The following CCSER1 variants were observed in gnomAD, a reference collection of about 807,000 sequenced individuals.
CCSER1 encodes serine-rich coiled-coil domain-containing protein 1.
Under a neutral mutation model 82.0 loss-of-function variants are expected in CCSER1, and 41 were observed. That is an observed-to-expected ratio of 0.50 (90% CI 0.39 to 0.65). CCSER1 has a LOEUF of 0.65. CCSER1 is among the 30% of genes least tolerant of loss of function. CCSER1 has a pLI of 0.00. For missense variants in CCSER1, 1,119 were observed against 1,064.2 expected (o/e 1.05, Z -0.72); for synonymous variants, 414 against 383.9 (o/e 1.08, Z -0.92).
intron 4 of CCSER1, among the ~76,000 whole-genome samples, chr4:90,467,182 C>T (rs531535683): frequency 3.3e-5 from 5 of 151,930 alleles, no homozygotes; most frequent in Non-Finnish European, 7.4e-5. Context: ...GTCAAGAGAT[C>T]AAGACCATCC....
At chr4:90,397,875 G>A (rs867403591) in intron 3 of CCSER1, among the ~76,000 whole-genome samples, 13 of 152,184 alleles carry the variant, frequency 8.5e-5, no homozygotes, top group African/African-American at 3.1e-4. Context: ...ATAAAAAATG[G>A]TAGTTATGTG....
At chr4:90,547,342 C>T (rs1776893775) in intron 5 of CCSER1, among the ~76,000 whole-genome samples, 1 of 151,698 alleles carries the variant, frequency 6.6e-6, no homozygotes, top group South Asian at 2.1e-4. Flanking sequence ...ATTAGAAATG[C>T]CTGATGCCAC....
chr4:91,189,331 G>T (rs1443413795), intron 10 of CCSER1, among the ~76,000 whole-genome samples: 58 of 152,174 alleles, frequency 3.8e-4, no homozygotes, highest in African/African-American at 1.4e-3. Flanking sequence ...TAAAAAATCA[G>T]GTTTAGAGTA....
At chr4:90,963,184 G>T (rs570020359) in intron 9 of CCSER1, among the ~76,000 whole-genome samples, 2 of 152,030 alleles carry the variant, frequency 1.3e-5, no homozygotes, top group African/African-American at 4.8e-5. Flanking sequence ...ATTTAAAGGC[G>T]TTTGAGGAAA....
At chr4:91,598,529 GTGT>G in intron 10 of CCSER1, 40 bp from the exon 11 acceptor site, 2 of 1,502,748 alleles carry the variant, frequency 1.3e-6, no homozygotes, top group Non-Finnish European at 1.8e-6. Context: ...TGCTATGAAA[GTGT>G]TTTTTTAAGA....
chr4:90,383,296 A>T (rs1749502580), intron 3 of CCSER1, among the ~76,000 whole-genome samples: 1 of 152,196 alleles, frequency 6.6e-6, no homozygotes, highest in African/African-American at 2.4e-5. Context: ...ATTTGAATAC[A>T]AAAGGAATTA....
At chr4:91,108,988 A>G (rs1159388477) in intron 10 of CCSER1, among the ~76,000 whole-genome samples, 1 of 152,204 alleles carries the variant, frequency 6.6e-6, no homozygotes, top group African/African-American at 2.4e-5. Context: ...AAGGCAGAAG[A>G]AAGGCAGATT....
intron 7 of CCSER1, among the ~76,000 whole-genome samples, chr4:90,765,137 C>A (rs1751025920): frequency 6.6e-6 from 1 of 152,126 alleles, no homozygotes; most frequent in Admixed American, 6.6e-5. Flanking sequence ...AGGTCGCTAA[C>A]TCACTTAATT....
At chr4:91,025,530 C>A (rs963300993) in intron 9 of CCSER1, among the ~76,000 whole-genome samples, 1 of 152,124 alleles carries the variant, frequency 6.6e-6, no homozygotes, top group African/African-American at 2.4e-5. Flanking sequence ...TTTTGTTTCA[C>A]TGTTGTTGCC....
chr4:91,308,010 C>T (rs190580640), intron 10 of CCSER1, among the ~76,000 whole-genome samples: 83 of 152,020 alleles, frequency 5.5e-4, no homozygotes, highest in African/African-American at 1.3e-3. Context: ...GGGTGTTAAA[C>T]ACTCTACTTG....
At chr4:91,509,190 T>C (rs185646231) in intron 10 of CCSER1, among the ~76,000 whole-genome samples, 1 of 151,992 alleles carries the variant, frequency 6.6e-6, no homozygotes, top group East Asian at 1.9e-4. Context: ...TGTTATGTAT[T>C]GATGCAAATA....
At chr4:90,554,062 C>T (rs1777838102) in intron 5 of CCSER1, among the ~76,000 whole-genome samples, 1 of 152,016 alleles carries the variant, frequency 6.6e-6, no homozygotes, top group African/African-American at 2.4e-5. Flanking sequence ...GAGAGAACAC[C>T]ATATAAATAA....
intron 5 of CCSER1, among the ~76,000 whole-genome samples, chr4:90,503,559 C>G (rs1578845753): frequency 6.6e-6 from 1 of 152,282 alleles, no homozygotes; most frequent in Non-Finnish European, 1.5e-5. Flanking sequence ...CTATCCCTCC[C>G]CACTCCCTCA....
intron 10 of CCSER1, among the ~76,000 whole-genome samples, chr4:91,316,969 C>A (rs144984736): frequency 4.6e-5 from 7 of 152,006 alleles, no homozygotes; most frequent in African/African-American, 1.2e-4. Context: ...AATTGTCATG[C>A]TATCTTACAC....
chr4:91,568,217 G>A (rs1231909728), intron 10 of CCSER1, among the ~76,000 whole-genome samples: 1 of 152,050 alleles, frequency 6.6e-6, no homozygotes, highest in Non-Finnish European at 1.5e-5. Context: ...GAGGTTCGCT[G>A]TTAGCCTGCT....
intron 4 of CCSER1, among the ~76,000 whole-genome samples, chr4:90,464,368 T>A (rs996217321): frequency 6.6e-6 from 1 of 152,256 alleles, no homozygotes; most frequent in Admixed American, 6.5e-5. Flanking sequence ...CCTATTTGTA[T>A]AATTAAACAT....
At chr4:91,423,779 A>G (rs1164998854) in intron 10 of CCSER1, among the ~76,000 whole-genome samples, 3 of 152,052 alleles carry the variant, frequency 2.0e-5, no homozygotes, top group Non-Finnish European at 4.4e-5. Flanking sequence ...TAAGAAAACA[A>G]AAGATAATAT....
intron 5 of CCSER1, among the ~76,000 whole-genome samples, chr4:90,526,349 T>C (rs182656103): frequency 7.9e-4 from 121 of 152,306 alleles, no homozygotes; most frequent in African/African-American, 2.8e-3. Flanking sequence ...TAACAGCTCA[T>C]GATTTAACTG....
At chr4:90,934,963 A>G (rs964171307) in intron 9 of CCSER1, among the ~76,000 whole-genome samples, 1 of 151,824 alleles carries the variant, frequency 6.6e-6, no homozygotes, top group Non-Finnish European at 1.5e-5. Flanking sequence ...GACACACACA[A>G]AATAGGGGAC....
Sources: gnomAD v4.1 joint callset for allele counts (sites outside exome capture counted in the v4.1 genomes callset) on GRCh38, gnomAD v4.1.1 for gene constraint, MANE v1.5 for transcripts, NCBI Gene and HGNC (gene_info 2026-07-23, HGNC 2026-07-21) for gene names.